The following DSP variants were observed in gnomAD, a reference collection of about 807,000 sequenced individuals.
DSP encodes 250/210 kDa paraneoplastic pemphigus antigen.
DSP carries 114 observed loss-of-function variants against 290.6 expected under a neutral mutation model. The observed-to-expected ratio is 0.39, with a 90% CI of 0.34 to 0.46. DSP has a LOEUF of 0.46. Among genes scored for constraint, DSP ranks in the 20% least tolerant of loss-of-function variants. The pLI is 0.99. For synonymous variants in DSP, 1,311 were observed against 1,316.4 expected, an observed-to-expected ratio of 1.00 and a Z score of 0.09; for missense variants, 3,230 against 3,495.8, an observed-to-expected ratio of 0.92 and a Z score of 1.92.
At position 7,580,203 on chromosome 6, in the gene DSP, C is replaced by G; in HGVS notation, c.4013C>G (p.Ala1338Gly). ...CTCAAAGCTGAGTTTCAGGAGGAGG[C>G]CAAGCGCCGCTGGGAATATGAAAAT... ...ERLKAEFQEE[A>G]KRRWEYENEL... Residue 1338 changes from alanine (A) to glycine (G), a missense_variant, in exon 23 of 24, where the codon GCC becomes GGC. By Grantham distance (60) the Ala-to-Gly change is moderately conservative (BLOSUM62 0). Transcript: ENST00000379802. The surrounding 1 kb of genome is among the most constrained non-coding windows in gnomAD (Gnocchi z 4.2). The G allele has an allele frequency of 1.2e-6, 2 of 1,613,866 alleles. No homozygotes were observed. Among genetic ancestry groups the G allele is most frequent in the Non-Finnish European group, 1.7e-6 (2 of 1,179,998 alleles).
At chr6:7,558,069 T>G in intron 2 of DSP, 47 bp from the exon 3 acceptor site, 7 of 1,611,828 alleles carry the variant, frequency 4.3e-6, no homozygotes, top group Non-Finnish European at 5.9e-6. Context: ...ATGAAGGTTT[T>G]CTTCCTGGTA....
In DSP at chr6:7,566,411, A is replaced by G. The variant is rs745553634; in HGVS notation, c.974A>G (p.Glu325Gly). 1.2e-6 allele frequency: 2 copies of G among 1,613,868 alleles called. No homozygotes were observed. The highest frequency in any genetic ancestry group is 1.3e-5 in the African/African-American group (1 of 74,922). ...AGTCAACTGGAAGTTAAAGAAAAAG[A>G]GCTCAATAAGCTGAAACAAGAAAGT... The part of the protein sequence containing the change: ...RMSQLEVKEK[E>G]LNKLKQESDQ... Residue 325 changes from glutamate (E) to glycine (G), a missense_variant, in exon 8 of 24, where the codon GAG becomes GGG. Around this residue, in one of 5 missense-constraint regions of DSP, gnomAD observed 646 missense variants for 684.3 expected, o/e 0.94. Transcript: ENST00000379802.
chr6:7,577,177 A>G, intron 20 of DSP, 135 bp downstream of exon 20: 1 of 679,924 alleles, frequency 1.5e-6, no homozygotes, highest in Non-Finnish European at 2.4e-6. Flanking sequence ...TTCTGAACAA[A>G]CCATAAAAAT....
At chr6:7,568,700 G>A in intron 11 of DSP, 111 bp downstream of exon 11, 1 of 1,199,822 alleles carries the variant, frequency 8.3e-7, no homozygotes, top group Non-Finnish European at 1.2e-6. Flanking sequence ...CACAGTCAAT[G>A]TCTTTGATCT....
At position 7,585,990 on chromosome 6, in the gene DSP, A is replaced by G. The variant is rs141059005; in HGVS notation, c.*112A>G. ...TTGCAGTAGAGTGATAGGACATTCT[A>G]TGCTTACAGAAAATATAGCCATGAT... On this transcript the variant is annotated 3_prime_UTR_variant, in exon 24 of 24. Transcript: ENST00000379802. 1.5e-5 allele frequency: 16 copies of G among 1,093,532 alleles called. No individual in the cohort carries two copies. Among genetic ancestry groups the G allele is most frequent in the African/African-American group, 6.2e-5 (4 of 64,172 alleles). The allele number at this position is 1,093,532 out of a possible 1,614,324, so 67.7% of individuals were successfully genotyped here.
Position 7,566,484 on chromosome 6 carries a change from A to G in DSP, c.1044+3A>G, listed in dbSNP as rs765089914. ...ATCCAGCTTCAGACAAAATTGAGGTAGGCTTCATGAGGTTTATATTTTTGT... is the reference window on the plus strand; with the variant it reads ...ATCCAGCTTCAGACAAAATTGAGGTGGGCTTCATGAGGTTTATATTTTTGT... On this transcript the variant is annotated splice_donor_region_variant and intron_variant, in intron 8 of 23. Coordinates refer to ENST00000379802, the MANE Select transcript of DSP (RefSeq NM_004415.4). 6.2e-7 allele frequency: 1 copy of G among 1,610,484 alleles called. No individual in the cohort carries two copies. The highest frequency in any genetic ancestry group is 8.5e-7 in the Non-Finnish European group (1 of 1,177,092).
At chr6:7,573,970 G>A in intron 15 of DSP, 116 bp from the exon 16 acceptor site, 1 of 1,108,800 alleles carries the variant, frequency 9.0e-7, no homozygotes, top group Non-Finnish European at 1.3e-6. Context: ...TTACTTACCT[G>A]ATGTAATCAT....
Position 7,541,894 on chromosome 6 carries a change from G to T in DSP, c.-22G>T. ...CTCGCTTATGCCTCGGCGCTGAGCC[G>T]CTCTCCCGATTGCCCGCCGACATGA... On this transcript the variant is annotated 5_prime_UTR_variant, in exon 1 of 24. Transcript: ENST00000379802. 1 of 1,601,838 alleles carries T rather than the reference G, an allele frequency of 6.2e-7. No homozygotes were observed. The highest frequency in any genetic ancestry group is 8.5e-7 in the Non-Finnish European group (1 of 1,176,310).
intron 1 of DSP, among the ~76,000 whole-genome samples, chr6:7,552,403 A>G (rs561122174): frequency 3.3e-4 from 27 of 81,152 alleles, no homozygotes; most frequent in African/African-American, 1.6e-3. Flanking sequence ...TAAAAATACA[A>G]AAAAAAAAAA....
intron 1 of DSP, among the ~76,000 whole-genome samples, chr6:7,543,393 C>CTTTTTT (rs397886749): frequency 1.2e-4 from 10 of 80,016 alleles, no homozygotes; most frequent in Non-Finnish European, 1.9e-4. Context: ...TCTATTTTCG[C>CTTTTTT]TTTTTTTTTT....
chr6:7,547,429 GTT>G (rs1758198963), intron 1 of DSP, among the ~76,000 whole-genome samples: 1 of 151,918 alleles, frequency 6.6e-6, no homozygotes, highest in Non-Finnish European at 1.5e-5. Context: ...CATTTTGTTT[GTT>G]TGTTTGTTTG....
At chr6:7,569,425 T>C (rs1758975938) in intron 12 of DSP, 85 bp downstream of exon 12, 2 of 1,593,120 alleles carry the variant, frequency 1.3e-6, no homozygotes, top group East Asian at 4.5e-5. Context: ...ACCTGAAGCT[T>C]AGACACACGA....
intron 5 of DSP, 37 bp from the exon 6 acceptor site, chr6:7,563,699 G>A (rs1203196605): frequency 6.4e-7 from 1 of 1,570,438 alleles, no homozygotes; most frequent in Admixed American, 1.7e-5. Flanking sequence ...CAATCCACAA[G>A]GGGATTTATA....
chr6:7,580,356 G>A lies in DSP; in HGVS notation c.4166G>A (p.Ser1389Asn), dbSNP rs763523853. 2 of 1,614,190 alleles carry A rather than the reference G, an allele frequency of 1.2e-6. No individual in the cohort carries two copies. The highest frequency in any genetic ancestry group is 1.7e-6 in the Non-Finnish European group (2 of 1,180,032). ...ACCATGCAGAAGGAAGAGGATACCA[G>A]TGGCTACCGGGCTCAGATAGACAAT... ...QLTMQKEEDT[S>N]GYRAQIDNLT... Residue 1389 changes from serine to asparagine, a missense_variant, in exon 23 of 24, where the codon AGT (serine) becomes AAT (asparagine). Ser to Asn is a conservative substitution (Grantham distance 46). Coordinates refer to ENST00000379802, the MANE Select transcript of DSP (RefSeq NM_004415.4). The surrounding 1 kb of genome is among the most constrained non-coding windows in gnomAD (Gnocchi z 4.2).
Position 7,583,273 on chromosome 6 carries a change from T to A in DSP, c.6011T>A (p.Val2004Asp). The A allele has an allele frequency of 1.2e-6, 2 of 1,614,196 alleles. No individual in the cohort carries two copies. The highest frequency in any genetic ancestry group is 1.7e-6 in the Non-Finnish European group (2 of 1,180,038). ...LLKGKKSVEE[V>D]ASEIQPFLRG... is the part of the protein sequence containing the mutation. The stretch of plus-strand genomic sequence containing the variant: ...AAGGGGAAGAAGTCAGTGGAAGAAG[T>A]TGCTTCTGAAATCCAGCCATTCCTT... Residue 2004 changes from valine (V) to aspartate (D), a missense_variant, in exon 24 of 24, where the codon GTT becomes GAT. By Grantham distance (152) the Val-to-Asp change is radical (BLOSUM62 -3). Around this residue, in one of 5 missense-constraint regions of DSP, gnomAD observed 1,714 missense variants for 1,844.5 expected, o/e 0.93. Coordinates refer to ENST00000379802, the MANE Select transcript of DSP (RefSeq NM_004415.4). The surrounding 1 kb of genome is among the most constrained non-coding windows in gnomAD (Gnocchi z 4.0).
chr6:7,548,720 G>A (rs1176689044), intron 1 of DSP, among the ~76,000 whole-genome samples: 4 of 152,182 alleles, frequency 2.6e-5, no homozygotes. Context: ...AAAATCTATA[G>A]AGACAAAAAA....
intron 18 of DSP, among the ~76,000 whole-genome samples, chr6:7,575,842 C>T (rs1195966231): frequency 6.6e-6 from 1 of 151,852 alleles, no homozygotes; most frequent in Admixed American, 6.6e-5. Context: ...AAATCTTAGA[C>T]CAAAAAAAAT....
chr6:7,581,226 A>G lies in DSP; in HGVS notation c.5036A>G (p.His1679Arg). The G allele has an allele frequency of 6.2e-7, 1 of 1,612,946 alleles. No individual in the cohort carries two copies. The highest frequency in any genetic ancestry group is 2.2e-5 in the East Asian group (1 of 44,880). The change falls in exon 23 of 24, where the codon CAC (histidine) becomes CGC (arginine). Residue 1679 changes from histidine to arginine, a missense_variant. His to Arg is a conservative substitution (Grantham distance 29). This residue lies in a region of DSP where 1,714 missense variants were observed against 1,844.5 expected (regional missense o/e 0.93). Transcript: ENST00000379802. ...GAACAGGAAAGTGTCAAACAAGCTC[A>G]CTTGAGGAATGAGCATTTCCAGAAG... ...LQEQESVKQA[H>R]LRNEHFQKAI...
At position 7,583,713 on chromosome 6, in the gene DSP, C is replaced by T. The variant is rs181608152; in HGVS notation, c.6451C>T (p.Arg2151Trp). 59 of 1,614,016 alleles carry T rather than the reference C, an allele frequency of 3.7e-5. 2 individuals carry two copies. In the South Asian group the frequency reaches 4.2e-4, roughly 11 times the overall value. The change falls in exon 24 of 24, where the codon CGG (arginine) becomes TGG (tryptophan). Residue 2151 changes from arginine to tryptophan, a missense_variant. Around this residue, in one of 5 missense-constraint regions of DSP, gnomAD observed 1,714 missense variants for 1,844.5 expected, o/e 0.93. Coordinates refer to ENST00000379802, the MANE Select transcript of DSP (RefSeq NM_004415.4). The surrounding 1 kb of genome is among the most constrained non-coding windows in gnomAD (Gnocchi z 4.0). Reference protein sequence around the residue: ...VFLPKDVALARGLIDRDLYRS... With the variant: ...VFLPKDVALAWGLIDRDLYRS... ...TTTGCCAAAAGATGTCGCCTTGGCC[C>T]GGGGGCTGATTGATAGAGATTTGTA...
Sources: allele counts gnomAD v4.1 joint callset (sites outside exome capture counted in the v4.1 genomes callset), GRCh38; gene constraint gnomAD v4.1.1; regional missense constraint gnomAD v4.1.1; non-coding constraint Gnocchi (gnomAD v3.1); transcripts MANE v1.5; gene names NCBI Gene and HGNC (gene_info 2026-07-23, HGNC 2026-07-21).